The following ATL2 variants were observed in gnomAD, a reference collection of about 807,000 sequenced individuals.
The protein encoded by ATL2 is atlastin-2.
In ATL2, 31 loss-of-function variants were observed where a neutral mutation model predicts 73.9. That is an observed-to-expected ratio of 0.42 (90% CI 0.32 to 0.57). The LOEUF is 0.57. Ranked by LOEUF, ATL2 falls within the 20% of genes least tolerant of loss-of-function variation. The pLI is 0.14. For missense variants in ATL2, 738 were observed against 702.6 expected, an observed-to-expected ratio of 1.05 and a Z score of -0.57; for synonymous variants, 291 against 237.5, an observed-to-expected ratio of 1.23 and a Z score of -2.07.
In ATL2 at chr2:38,307,531, C is replaced by A. The variant is rs1573442021; in HGVS notation, c.1071+1848G>T. Among the ~76,000 whole-genome samples, 3 of 152,016 alleles carry A rather than the reference C, an allele frequency of 2.0e-5. 1 individual carries two copies. In the South Asian group the frequency reaches 6.2e-4, roughly 32 times the overall value. On this transcript the variant is annotated intron_variant, in intron 9 of 12. Coordinates refer to ENST00000378954, the MANE Select transcript of ATL2 (RefSeq NM_001135673.4). The stretch of plus-strand genomic sequence containing the variant: ...AAAAAAGAAGAAAACATTGGGGAAA[C>A]CTTCCAGGAAATTGGTCTGGTCTGG...
chr2:38,363,931 C>T (rs17022617), intron 1 of ATL2, among the ~76,000 whole-genome samples: 18,192 of 152,108 alleles, frequency 0.12, 3,204 homozygotes, highest in African/African-American at 0.39. Flanking sequence ...GACGGCTGCA[C>T]CTCTTAAGCC....
At chr2:38,366,851 T>A (rs754375743) in intron 1 of ATL2, among the ~76,000 whole-genome samples, 2 of 152,166 alleles carry the variant, frequency 1.3e-5, no homozygotes, top group Admixed American at 6.5e-5. Context: ...TAATTATTTG[T>A]CTAAGTATGG....
In ATL2 at chr2:38,300,257, T is replaced by A. The variant is rs1476805490; in HGVS notation, c.1128+15A>T. 1.2e-5 allele frequency: 10 copies of A among 864,588 alleles called. No individual in the cohort carries two copies. Among genetic ancestry groups the A allele is most frequent in the Admixed American group, 6.3e-5 (2 of 31,654 alleles). The allele number at this position is 864,588 out of a possible 1,614,324, so 53.6% of individuals were successfully genotyped here. On this transcript the variant is annotated intron_variant, in intron 10 of 12. Transcript: ENST00000378954. ...TAAGTATATGTACAACACATATCAC[T>A]CTCTCTCTCTCTACCTGAAGCATGG...
chr2:38,350,784 C>CTA (rs1392833935), intron 1 of ATL2, among the ~76,000 whole-genome samples: 39 of 151,924 alleles, frequency 2.6e-4, no homozygotes, highest in Admixed American at 2.4e-3. Context: ...CCAAAAAAGT[C>CTA]TATTTAAATA....
chr2:38,337,331 CA>C (rs1669418362), intron 2 of ATL2, among the ~76,000 whole-genome samples: 1 of 150,610 alleles, frequency 6.6e-6, no homozygotes, highest in East Asian at 1.9e-4. Flanking sequence ...ATTAAAAATA[CA>C]AAAATTAGCC....
chr2:38,296,318 C>G (rs1573412346), intron 12 of ATL2: 2 of 1,445,986 alleles, frequency 1.4e-6, no homozygotes, highest in East Asian at 5.0e-5. Context: ...TTATTCAAAC[C>G]ATTTACAATT....
rs1667930675 is a variant in ATL2, at chr2:38,314,609, T to A, written c.710A>T (p.Gln237Leu). Residue 237 changes from glutamine to leucine, a missense_variant and splice_region_variant, in exon 6 of 13, where the codon CAG becomes CTG. Coordinates refer to ENST00000378954, the MANE Select transcript of ATL2 (RefSeq NM_001135673.4). ...AMEEIYQKPFQTLMFLIRDWS... is the reference protein window; with the variant it reads ...AMEEIYQKPFLTLMFLIRDWS... ...AAAATGTTAGAATAACTTTTTTACC[T>A]GAAATGGTTTCTGGTAGATTTCTTC... 1 of 1,595,400 alleles carries A rather than the reference T, an allele frequency of 6.3e-7. No homozygotes were observed. The highest frequency in any genetic ancestry group is 1.7e-5 in the Admixed American group (1 of 59,764).
chr2:38,337,985 T>C (rs957054183), intron 2 of ATL2, among the ~76,000 whole-genome samples: 3 of 152,198 alleles, frequency 2.0e-5, no homozygotes, highest in African/African-American at 7.2e-5. Flanking sequence ...TTCTACTAAA[T>C]TAAGTTTTGA....
chr2:38,353,987 G>C (rs1043816800), intron 1 of ATL2: 1 of 249,128 alleles, frequency 4.0e-6, no homozygotes, highest in Non-Finnish European at 8.1e-6. Flanking sequence ...GAGGTCAGGA[G>C]ATCGAGACCA....
intron 1 of ATL2, among the ~76,000 whole-genome samples, chr2:38,370,806 TG>T (rs1671645384): frequency 6.6e-6 from 1 of 150,418 alleles, no homozygotes; most frequent in South Asian, 2.1e-4. Flanking sequence ...AATCAACCCC[TG>T]GCCCAGCAGG....
At position 38,377,245 on chromosome 2, in the gene ATL2, C is replaced by T. The variant is rs778033552; in HGVS notation, c.16G>A (p.Glu6Lys). The change falls in exon 1 of 13, where the codon GAG becomes AAG. Residue 6 changes from glutamate (E) to lysine (K), a missense_variant. Glu to Lys is a moderately conservative substitution (Grantham distance 56, BLOSUM62 1). Coordinates refer to ENST00000378954, the MANE Select transcript of ATL2 (RefSeq NM_001135673.4). ...TGCGGTTGCTGCCCTCGCGCTGCCTCGTCCCCCTCCGCCATCTTGTACCGA... is the reference window on the plus strand; with the variant it reads ...TGCGGTTGCTGCCCTCGCGCTGCCTTGTCCCCCTCCGCCATCTTGTACCGA... MAEGD[E>K]AARGQQPHQG... The T allele has an allele frequency of 8.8e-6, 14 of 1,590,238 alleles. No individual in the cohort carries two copies. Among genetic ancestry groups the T allele is most frequent in the African/African-American group, 1.3e-5 (1 of 74,242 alleles).
chr2:38,329,356 A>T (rs1027502861), intron 2 of ATL2, among the ~76,000 whole-genome samples: 1 of 133,556 alleles, frequency 7.5e-6, no homozygotes, highest in Admixed American at 8.4e-5. Context: ...GGAACTCAGG[A>T]GGCAGAGGGT....
At chr2:38,364,983 G>A (rs1391172344) in intron 1 of ATL2, among the ~76,000 whole-genome samples, 1 of 151,792 alleles carries the variant, frequency 6.6e-6, no homozygotes, top group African/African-American at 2.4e-5. Context: ...GGCGGAGCTT[G>A]CAGTGAGCTG....
chr2:38,324,450 C>A (rs1300246121), intron 2 of ATL2, among the ~76,000 whole-genome samples: 1 of 152,316 alleles, frequency 6.6e-6, no homozygotes, highest in South Asian at 2.1e-4. Flanking sequence ...AAATACTGTA[C>A]ACATTCTAAC....
intron 2 of ATL2, among the ~76,000 whole-genome samples, chr2:38,334,552 G>C (rs1573510651): frequency 6.6e-6 from 1 of 151,480 alleles, no homozygotes; most frequent in Middle Eastern, 3.4e-3. Context: ...TACAAAATTA[G>C]CCGGGCGTAG....
In ATL2 at chr2:38,316,191, G is replaced by C. The variant is rs17022566; in HGVS notation, c.604-857C>G. The stretch of plus-strand genomic sequence containing the variant: ...TGATACTCTGGCTAAACCACTTGGA[G>C]GTCAAGAATATAGTCAATTTAGGCC... On this transcript the variant is annotated intron_variant, in intron 4 of 12. Transcript: ENST00000378954. 2.8e-3 allele frequency among the ~76,000 whole-genome samples: 419 copies of C among 152,308 alleles called. 4 individuals are homozygous for C. The highest frequency in any genetic ancestry group is 9.5e-3 in the African/African-American group (395 of 41,570).
At chr2:38,368,532 A>G (rs1051946621) in intron 1 of ATL2, among the ~76,000 whole-genome samples, 3 of 152,160 alleles carry the variant, frequency 2.0e-5, no homozygotes, top group Non-Finnish European at 2.9e-5. Flanking sequence ...GATTACAGGC[A>G]TGAGCCACTG....
intron 7 of ATL2, among the ~76,000 whole-genome samples, chr2:38,312,706 T>TA (rs368819561): frequency 0.37 from 44,572 of 120,172 alleles, 7,660 homozygotes; most frequent in South Asian, 0.47. Flanking sequence ...GAGACTGTCT[T>TA]AAAAAAAAAA....
At chr2:38,356,838 T>C (rs1354110632) in intron 1 of ATL2, among the ~76,000 whole-genome samples, 1 of 152,228 alleles carries the variant, frequency 6.6e-6, no homozygotes, top group Non-Finnish European at 1.5e-5. Flanking sequence ...TTTCCTCTTG[T>C]ATGAACGGTC....
Sources: gnomAD v4.1 joint callset for allele counts (sites outside exome capture counted in the v4.1 genomes callset) on GRCh38, gnomAD v4.1.1 for gene constraint, MANE v1.5 for transcripts, NCBI Gene and HGNC (gene_info 2026-07-23, HGNC 2026-07-21) for gene names.